Variants in UNC13C observed in about 807,000 individuals in gnomAD.
UNC13C encodes the protein unc-13 homolog C, also known as protein unc-13 homolog C.
UNC13C carries 174 observed loss-of-function variants against 245.4 expected under a neutral mutation model. The observed-to-expected ratio is 0.71, with a 90% CI of 0.63 to 0.80. The LOEUF (loss-of-function observed/expected upper bound fraction) is 0.80, where lower values mean the gene tolerates loss of function less well. Ranked by LOEUF, UNC13C falls within the 30% of genes least tolerant of loss-of-function variation. The pLI is 0.00. For missense variants in UNC13C, 2,829 were observed against 2,602.9 expected (o/e 1.09, Z -1.89); for synonymous variants, 992 against 895.1 (o/e 1.11, Z -1.93).
At chr15:54,035,128 T>C (rs16973985) in intron 2 of UNC13C, among the ~76,000 whole-genome samples, 3,326 of 152,254 alleles carry the variant, frequency 0.022, 120 homozygotes, top group South Asian at 0.13. Context: ...CTTTGCAGCA[T>C]TGTCTTATGA....
At chr15:54,265,983 T>G (rs555619595) in intron 10 of UNC13C, among the ~76,000 whole-genome samples, 1 of 152,164 alleles carries the variant, frequency 6.6e-6, no homozygotes, top group East Asian at 1.9e-4. Flanking sequence ...CGAGGGCATT[T>G]ATTTTTAAAC....
At chr15:54,368,977 C>T (rs1008612001) in intron 17 of UNC13C, among the ~76,000 whole-genome samples, 1 of 151,932 alleles carries the variant, frequency 6.6e-6, no homozygotes, top group African/African-American at 2.4e-5. Context: ...ATTAATTTTA[C>T]CAAAGCTTGT....
At chr15:54,455,240 T>TATATATATATATATATAACC (rs1306822375) in intron 19 of UNC13C, among the ~76,000 whole-genome samples, 1 of 125,332 alleles carries the variant, frequency 8.0e-6, no homozygotes, top group African/African-American at 2.9e-5. Context: ...TATATATATG[T>TATATATATATATATATAACC]TTTTTAATCC....
chr15:54,355,892 G>A (rs559016797), intron 17 of UNC13C, among the ~76,000 whole-genome samples: 9 of 151,996 alleles, frequency 5.9e-5, no homozygotes, highest in Middle Eastern at 3.4e-3. Context: ...AAATATGAAC[G>A]TGTCATAGAT....
At chr15:54,332,305 C>CTGTGTGTG (rs34179914) in intron 15 of UNC13C, among the ~76,000 whole-genome samples, 194 bp downstream of exon 15, 10,108 of 145,564 alleles carry the variant, frequency 0.069, 369 homozygotes, top group Non-Finnish European at 0.078. Context: ...CAACAATACT[C>CTGTGTGTG]TGTGTGTGTG....
intron 25 of UNC13C, among the ~76,000 whole-genome samples, chr15:54,525,859 C>T (rs1042153367): frequency 6.6e-6 from 1 of 152,148 alleles, no homozygotes; most frequent in Non-Finnish European, 1.5e-5. Flanking sequence ...TCGGATAACA[C>T]CTATAACACT....
At chr15:54,483,694 C>A (rs756776364) in intron 19 of UNC13C, among the ~76,000 whole-genome samples, 4 of 152,126 alleles carry the variant, frequency 2.6e-5, no homozygotes, top group Non-Finnish European at 5.9e-5. Flanking sequence ...TGGAGTTTCA[C>A]CCCGTCTGCC....
chr15:54,137,444 A>G (rs1482294091), intron 2 of UNC13C, among the ~76,000 whole-genome samples: 6 of 152,192 alleles, frequency 3.9e-5, no homozygotes, highest in Non-Finnish European at 8.8e-5. Flanking sequence ...CAATGAAGCT[A>G]TCTTGTAATG....
chr15:54,429,280 C>T (rs183658588), intron 19 of UNC13C, among the ~76,000 whole-genome samples: 96 of 151,778 alleles, frequency 6.3e-4, no homozygotes, highest in African/African-American at 1.9e-3. Flanking sequence ...AAGTATTATA[C>T]GAATGTTTTT....
intron 30 of UNC13C, among the ~76,000 whole-genome samples, chr15:54,586,968 C>T (rs1898525607): frequency 1.3e-5 from 2 of 152,132 alleles, no homozygotes; most frequent in South Asian, 4.1e-4. Flanking sequence ...CAATATTTAC[C>T]AAATTCCACT....
intron 24 of UNC13C, among the ~76,000 whole-genome samples, chr15:54,516,667 G>A (rs1466170967): frequency 6.6e-6 from 1 of 152,022 alleles, no homozygotes; most frequent in African/African-American, 2.4e-5. Flanking sequence ...AGGCATGGTG[G>A]TGGGCGCCTG....
chr15:54,088,589 T>C (rs1899382929), intron 2 of UNC13C, among the ~76,000 whole-genome samples: 1 of 152,200 alleles, frequency 6.6e-6, no homozygotes, highest in Admixed American at 6.5e-5. Context: ...GACAGGTTTA[T>C]CTACTTCTGG....
intron 4 of UNC13C, among the ~76,000 whole-genome samples, chr15:54,194,278 C>G (rs2034282498): frequency 6.6e-6 from 1 of 152,068 alleles, no homozygotes; most frequent in African/African-American, 2.4e-5. Context: ...TAGGCAAATG[C>G]TGTTTTATCA....
At chr15:54,244,603 A>G (rs997792724) in intron 7 of UNC13C, among the ~76,000 whole-genome samples, 27 of 152,234 alleles carry the variant, frequency 1.8e-4, no homozygotes, top group Admixed American at 5.9e-4. Context: ...CTATCCATGA[A>G]CATGGAATGT....
chr15:54,560,215 C>T (rs996663727), intron 29 of UNC13C, among the ~76,000 whole-genome samples: 2 of 151,732 alleles, frequency 1.3e-5, no homozygotes, highest in East Asian at 1.9e-4. Flanking sequence ...AAATTGCTAC[C>T]AAAATAGTAT....
At chr15:53,880,902 G>T in the UNC13C span, among the ~76,000 whole-genome samples, 2 of 152,114 alleles carry the variant, frequency 1.3e-5, no homozygotes, top group African/African-American at 4.8e-5. Context: ...ATAAGAGAAG[G>T]TTGTAAGTGA....
chr15:54,060,628 A>G (rs1036285505), intron 2 of UNC13C, among the ~76,000 whole-genome samples: 4 of 152,110 alleles, frequency 2.6e-5, no homozygotes, highest in African/African-American at 9.7e-5. Flanking sequence ...GTATATACCC[A>G]AAGGATTATA....
At chr15:54,483,868 G>A (rs1311023964) in intron 19 of UNC13C, among the ~76,000 whole-genome samples, 1 of 152,208 alleles carries the variant, frequency 6.6e-6, no homozygotes, top group African/African-American at 2.4e-5. Context: ...GCATTTCTTT[G>A]TCTCCCTCTC....
chr15:54,362,235 G>T (rs973405400), intron 17 of UNC13C, among the ~76,000 whole-genome samples: 1 of 152,182 alleles, frequency 6.6e-6, no homozygotes, highest in Non-Finnish European at 1.5e-5. Flanking sequence ...GGATGGAACT[G>T]GAGTTGGCTT....
Sources: allele counts gnomAD v4.1 joint callset (sites outside exome capture counted in the v4.1 genomes callset), GRCh38; gene constraint gnomAD v4.1.1; transcripts MANE v1.5; gene names NCBI Gene and HGNC (gene_info 2026-07-23, HGNC 2026-07-21).